GABBR2: variants seen among roughly 807,000 people sequenced by gnomAD.
GABBR2 encodes the protein gamma-aminobutyric acid type B receptor subunit 2, also known as G-protein coupled receptor 51.
Under a neutral mutation model 105.6 loss-of-function variants are expected in GABBR2, and 23 were observed. The ratio of observed to expected loss-of-function variants is 0.22; its 90% confidence interval spans 0.16 to 0.31. GABBR2 has a LOEUF of 0.31. GABBR2 is among the 10% of genes least tolerant of loss of function. The pLI is 1.00. For synonymous variants in GABBR2, 478 were observed against 499.7 expected, an observed-to-expected ratio of 0.96 and a Z score of 0.58; for missense variants, 734 against 1,245.5, an observed-to-expected ratio of 0.59 and a Z score of 6.18.
intron 11 of GABBR2, among the ~76,000 whole-genome samples, chr9:98,371,897 T>C (rs375612253): frequency 4.6e-5 from 7 of 152,300 alleles, no homozygotes; most frequent in African/African-American, 1.7e-4. Context: ...CAAAAGGTGA[T>C]GGTCCAGCCC....
rs10986112 is a variant in GABBR2 at position 98,399,699 on chromosome 9, G to A, written c.1298-5444C>T. ...ACAAACCTTAGGACAAAAACCAAAAGGGTTTATCTACATCAAAATTAAGAA... is the reference window on the plus strand; with the variant it reads ...ACAAACCTTAGGACAAAAACCAAAAAGGTTTATCTACATCAAAATTAAGAA... On this transcript the variant is annotated intron_variant, in intron 8 of 18. Transcript: ENST00000259455. Among the ~76,000 whole-genome samples the A allele has an allele frequency of 6.1e-3, 918 of 150,842 alleles. 43 individuals carry two copies. In the East Asian group the frequency reaches 0.11, roughly 18 times the overall value.
intron 1 of GABBR2, among the ~76,000 whole-genome samples, chr9:98,601,545 A>C (rs1320497): frequency 0.38 from 57,115 of 152,106 alleles, 11,135 homozygotes; most frequent in African/African-American, 0.48. Context: ...AAATGAAATA[A>C]ATAAATCAAT....
rs1339841740 is a variant in GABBR2 at position 98,362,706 on chromosome 9, A to G, written c.1893+9T>C. 7 of 1,525,508 alleles carry G rather than the reference A, an allele frequency of 4.6e-6. No homozygotes were observed. Among genetic ancestry groups the G allele is most frequent in the Non-Finnish European group, 6.1e-6 (7 of 1,138,752 alleles). 94.5% of individuals were successfully genotyped at this position (1,525,508 alleles called of 1,614,324 possible). On this transcript the variant is annotated intron_variant, in intron 13 of 18. Coordinates refer to ENST00000259455, the MANE Select transcript of GABBR2 (RefSeq NM_005458.8). ...GCAGGCTTCCCTCCTGCCGGCATGG[A>G]GGGCTTACCTCCATGCTGTACTTCT...
In GABBR2 at chr9:98,708,601, G is replaced by C. The variant is rs753441454; in HGVS notation, c.137C>G (p.Ala46Gly). The C allele has an allele frequency of 2.5e-5, 35 of 1,415,122 alleles. No individual in the cohort carries two copies. Among genetic ancestry groups the C allele is most frequent in the Non-Finnish European group, 3.1e-5 (34 of 1,082,518 alleles). The allele number at this position is 1,415,122 out of a possible 1,614,324, so 87.7% of individuals were successfully genotyped here. A position where few individuals can be genotyped will look rare whatever the true frequency, so the allele number is the denominator to read the frequency against. ...CGGGCTGCTGGGCGGCGGCCGGGGG[G>C]CGCCCCGCGCCCAGCCCCAGGCCCC... ...APGAWGWARG[A>G]PRPPPSSPPL... The change falls in exon 1 of 19, where the codon GCC (alanine) becomes GGC (glycine). Residue 46 changes from alanine to glycine, a missense_variant. Physicochemically the swap from Ala to Gly is moderately conservative, Grantham distance 60. This residue lies in a region of GABBR2 where 70 missense variants were observed against 73.4 expected (regional missense o/e 0.95). Coordinates refer to ENST00000259455, the MANE Select transcript of GABBR2 (RefSeq NM_005458.8).
chr9:98,300,225 G>A (rs917216918), intron 16 of GABBR2, among the ~76,000 whole-genome samples: 1 of 151,938 alleles, frequency 6.6e-6, no homozygotes, highest in African/African-American at 2.4e-5. Flanking sequence ...TGCAGGGCTC[G>A]CGAGCTCTGA....
rs74698189 is a variant in GABBR2 at position 98,329,609 on chromosome 9, G to A, written c.1894-18404C>T. Among the ~76,000 whole-genome samples the A allele has an allele frequency of 1.3e-3, 191 of 152,280 alleles. 4 individuals are homozygous for A. In the East Asian group the frequency reaches 0.025, roughly 20 times the overall value. On this transcript the variant is annotated intron_variant, in intron 13 of 18. Transcript: ENST00000259455. ...GGGCCCCTGAGGCATCTCACCAATG[G>A]GGCATCTCGGCCCTGCCCTTCGGGG...
chr9:98,582,351 A>G (rs1829014430), intron 1 of GABBR2, among the ~76,000 whole-genome samples: 1 of 152,208 alleles, frequency 6.6e-6, no homozygotes, highest in Non-Finnish European at 1.5e-5. Flanking sequence ...TCTGTTCTAC[A>G]ATTGCAAGAA....
At chr9:98,382,421 C>A (rs1831994416) in intron 11 of GABBR2, among the ~76,000 whole-genome samples, 1 of 152,154 alleles carries the variant, frequency 6.6e-6, no homozygotes, top group South Asian at 2.1e-4. Context: ...TCACGCCATT[C>A]TCCTGCCTCA....
chr9:98,394,182 C>A lies in GABBR2; in HGVS notation c.1371G>T (p.Arg457Ser), dbSNP rs1037803767. The change falls in exon 9 of 19, where the codon AGG (arginine) becomes AGT (serine). Residue 457 changes from arginine to serine, a missense_variant. This residue lies in a region of GABBR2 where 370 missense variants were observed against 648.9 expected (regional missense o/e 0.57). Transcript: ENST00000259455. ...GAAGCCCACCTGCCTTACCTTGGAA[C>A]CTGATGGTGTCATTGATGATCTCCA... ...DTLEIINDTIRFQGSEPPKDK... is the reference protein window; with the variant it reads ...DTLEIINDTISFQGSEPPKDK... 8.1e-6 allele frequency: 13 copies of A among 1,612,260 alleles called. No homozygotes were observed. Among genetic ancestry groups the A allele is most frequent in the African/African-American group, 2.7e-5 (2 of 74,932 alleles).
intron 12 of GABBR2, among the ~76,000 whole-genome samples, chr9:98,363,313 CAAT>C (rs796823574): frequency 2.4e-4 from 36 of 152,268 alleles, no homozygotes; most frequent in African/African-American, 7.5e-4. Context: ...GTAGTAACAA[CAAT>C]GAGAGGAATA....
intron 8 of GABBR2, among the ~76,000 whole-genome samples, chr9:98,398,297 T>C (rs1285869630): frequency 6.6e-6 from 1 of 151,832 alleles, no homozygotes; most frequent in Non-Finnish European, 1.5e-5. Flanking sequence ...AAATAAAAGA[T>C]TCTATAAATG....
At chr9:98,359,338 G>C (rs1042181537) in intron 13 of GABBR2, among the ~76,000 whole-genome samples, 1 of 152,116 alleles carries the variant, frequency 6.6e-6, no homozygotes, top group Non-Finnish European at 1.5e-5. Flanking sequence ...TGAGGCATGA[G>C]AATCACTTGA....
At chr9:98,507,517 T>C (rs1827537411) in intron 3 of GABBR2, among the ~76,000 whole-genome samples, 4 of 152,274 alleles carry the variant, frequency 2.6e-5, no homozygotes, top group East Asian at 3.9e-4. Flanking sequence ...CACCTTGATA[T>C]TGACCCAATG....
chr9:98,309,652 T>C (rs1830606486), intron 14 of GABBR2, among the ~76,000 whole-genome samples: 1 of 152,232 alleles, frequency 6.6e-6, no homozygotes, highest in South Asian at 2.1e-4. Flanking sequence ...TTCTGGTGAC[T>C]ATGAGTGTGT....
intron 1 of GABBR2, among the ~76,000 whole-genome samples, chr9:98,648,116 T>TGTGTGTGTGTGTGTGTGTATAGATAG: frequency 0.016 from 900 of 55,742 alleles, 16 homozygotes; most frequent in Middle Eastern, 0.034. Flanking sequence ...TGTGTGTGTG[T>TGTGTGTGTGTGTGTGTGTATAGATAG]ATAGATAGAT....
chr9:98,424,846 T>C (rs1022900954), intron 7 of GABBR2, among the ~76,000 whole-genome samples: 3 of 152,114 alleles, frequency 2.0e-5, no homozygotes, highest in Admixed American at 2.0e-4. Context: ...TAGAAACAAA[T>C]GGAAGAACAT....
At chr9:98,347,915 G>A (rs1831328027) in intron 13 of GABBR2, among the ~76,000 whole-genome samples, 2 of 152,140 alleles carry the variant, frequency 1.3e-5, no homozygotes, top group African/African-American at 4.8e-5. Context: ...TAAGTCTCAC[G>A]AGACCTGATG....
intron 1 of GABBR2, among the ~76,000 whole-genome samples, chr9:98,666,060 A>G (rs1830329064): frequency 6.6e-6 from 1 of 152,218 alleles, no homozygotes; most frequent in African/African-American, 2.4e-5. Context: ...AGGAAACTGC[A>G]TGAGAGCAAA....
intron 1 of GABBR2, among the ~76,000 whole-genome samples, chr9:98,624,426 C>G (rs568444391): frequency 6.6e-6 from 1 of 152,222 alleles, no homozygotes; most frequent in South Asian, 2.1e-4. Context: ...TATATTTTGG[C>G]CAGAACTGTG....
Sources: allele counts gnomAD v4.1 joint callset (sites outside exome capture counted in the v4.1 genomes callset), GRCh38; gene constraint gnomAD v4.1.1; regional missense constraint gnomAD v4.1.1; transcripts MANE v1.5; gene names NCBI Gene and HGNC (gene_info 2026-07-23, HGNC 2026-07-21).